The following NIPA2 variants were observed in gnomAD, a reference collection of about 807,000 sequenced individuals.
The protein encoded by NIPA2 is NIPA magnesium transporter 2, also known as magnesium transporter NIPA2.
Under a neutral mutation model 29.7 loss-of-function variants are expected in NIPA2, and 11 were observed. That is an observed-to-expected ratio of 0.37 (90% CI 0.23 to 0.61). NIPA2 has a LOEUF of 0.61. Ranked by LOEUF, NIPA2 falls within the 20% of genes least tolerant of loss-of-function variation. The pLI is 0.66. For missense variants in NIPA2, 426 were observed against 437.9 expected (o/e 0.97, Z 0.24); for synonymous variants, 183 against 161.9 (o/e 1.13, Z -0.99).
intron 5 of NIPA2, among the ~76,000 whole-genome samples, chr15:22,855,442 CTG>C (rs1460482054): frequency 6.6e-6 from 1 of 151,918 alleles, no homozygotes; most frequent in African/African-American, 2.4e-5. Context: ...TCTGAAGACA[CTG>C]AGCCTTGACT....
intron 2 of NIPA2, among the ~76,000 whole-genome samples, chr15:22,843,002 CAAAA>C (rs60054939): frequency 0.011 from 1,223 of 107,350 alleles, 12 homozygotes; most frequent in Non-Finnish European, 0.019. Flanking sequence ...GACTCTGTCT[CAAAA>C]AAAAAAAAAA....
At chr15:22,860,260 C>T (rs1477581363) in intron 6 of NIPA2, among the ~76,000 whole-genome samples, 1 of 151,866 alleles carries the variant, frequency 6.6e-6, no homozygotes, top group Non-Finnish European at 1.5e-5. Flanking sequence ...CCTGAGGTGA[C>T]CCGCGCACCT....
chr15:22,843,746 G>A (rs1465609444), intron 2 of NIPA2, among the ~76,000 whole-genome samples: 1 of 151,818 alleles, frequency 6.6e-6, no homozygotes, highest in Non-Finnish European at 1.5e-5. Context: ...CACCTCCCAG[G>A]TTCAATAGAT....
chr15:22,849,658 C>A (rs1297713935), intron 3 of NIPA2, among the ~76,000 whole-genome samples: 1 of 151,594 alleles, frequency 6.6e-6, no homozygotes, highest in Non-Finnish European at 1.5e-5. Context: ...GTCCCAGGTT[C>A]ATGCCATTCT....
intron 5 of NIPA2, among the ~76,000 whole-genome samples, chr15:22,856,326 T>G (rs1028715298): frequency 6.6e-6 from 1 of 151,842 alleles, no homozygotes; most frequent in Non-Finnish European, 1.5e-5. Flanking sequence ...ATTTCTAGAG[T>G]ATTCAGTTAA....
rs990429264 is a variant in NIPA2 at position 22,838,846 on chromosome 15, C to T, written c.-427C>T. On this transcript the variant is annotated 5_prime_UTR_variant, in exon 1 of 8. Transcript: ENST00000337451. ...CCGTGCGAGCGCAGGACTGGGCGGC[C>T]TGTGTGGGGGTGTGAGCCGCGGTGC... The T allele has an allele frequency of 6.6e-6, 1 of 152,540 alleles. No individual in the cohort carries two copies. The highest frequency in any genetic ancestry group is 6.5e-5 in the Admixed American group (1 of 15,274). The allele number at this position is 152,540 out of a possible 1,614,324, so 9.4% of individuals were successfully genotyped here. A position where few individuals can be genotyped will look rare whatever the true frequency, so the allele number is the denominator to read the frequency against.
intron 6 of NIPA2, 109 bp downstream of exon 6, chr15:22,858,739 G>C (rs905322912): frequency 4.7e-6 from 3 of 634,906 alleles, no homozygotes; most frequent in Non-Finnish European, 7.5e-6. Flanking sequence ...CAACAACCTG[G>C]AGAACTTCGC....
At chr15:22,841,893 C>T (rs1465868533) in intron 2 of NIPA2, among the ~76,000 whole-genome samples, 1 of 152,120 alleles carries the variant, frequency 6.6e-6, no homozygotes, top group Non-Finnish European at 1.5e-5. Flanking sequence ...ACTGCACACC[C>T]GCTCATACCT....
intron 7 of NIPA2, among the ~76,000 whole-genome samples, chr15:22,863,084 TG>T (rs754589376): frequency 7.1e-6 from 1 of 140,958 alleles, no homozygotes; most frequent in African/African-American, 2.6e-5. Context: ...GTATTTTCTT[TG>T]TTTTTTTTTT....
At chr15:22,840,812 T>C (rs1431227062) in intron 2 of NIPA2, among the ~76,000 whole-genome samples, 1 of 152,100 alleles carries the variant, frequency 6.6e-6, no homozygotes, top group Admixed American at 6.5e-5. Context: ...TAGCTATTGT[T>C]AGGGAGAGAT....
rs552062619 is a variant in NIPA2, at chr15:22,864,445, C to T, written c.449-1768C>T. Reference sequence around the variant, plus strand: ...CTGGGATTACAGGCGTGAGCCACCACGCCCGGCCTGCTGTCCTCTGTTATG... The same window carrying T: ...CTGGGATTACAGGCGTGAGCCACCATGCCCGGCCTGCTGTCCTCTGTTATG... On this transcript the variant is annotated intron_variant, in intron 7 of 7. Coordinates refer to ENST00000337451, the MANE Select transcript of NIPA2 (RefSeq NM_030922.7). 1.1e-4 allele frequency among the ~76,000 whole-genome samples: 16 copies of T among 152,288 alleles called. No homozygotes were observed. In the East Asian group the frequency reaches 2.3e-3, roughly 22 times the overall value.
At chr15:22,853,820 A>C (rs2057966013) in intron 5 of NIPA2, among the ~76,000 whole-genome samples, 1 of 152,082 alleles carries the variant, frequency 6.6e-6, no homozygotes, top group African/African-American at 2.4e-5. Flanking sequence ...CAGGACAAAC[A>C]ATCCAGTTAG....
chr15:22,860,875 A>G lies in NIPA2; in HGVS notation c.448+86A>G, dbSNP rs923724578. The stretch of plus-strand genomic sequence containing the variant: ...ATCGAAATTTGATGAGCACATAAGG[A>G]AAGAAATTGTTCCACCTGGTAGAAG... On this transcript the variant is annotated intron_variant, in intron 7 of 7. Coordinates refer to ENST00000337451, the MANE Select transcript of NIPA2 (RefSeq NM_030922.7). The G allele has an allele frequency of 8.2e-6, 8 of 980,616 alleles. No homozygotes were observed. In the African/African-American group the frequency reaches 1.0e-4, roughly 12 times the overall value. 60.7% of individuals were successfully genotyped at this position (980,616 alleles called of 1,614,324 possible).
chr15:22,842,399 T>C (rs1362894697), intron 2 of NIPA2, among the ~76,000 whole-genome samples: 2 of 151,984 alleles, frequency 1.3e-5, no homozygotes, highest in South Asian at 2.1e-4. Context: ...TATGGGGAAA[T>C]AAGATCTAGG....
At position 22,866,319 on chromosome 15, in the gene NIPA2, C is replaced by T. The variant is rs771280025; in HGVS notation, c.555C>T (p.Cys185=). ...ACATTCTTGTGTACATAACAATCTG[C>T]TCTGTAATCGGCGCGTTTTCAGTCT... The part of the protein sequence containing the change: ...QTNILVYITI[C]SVIGAFSVSC... The change falls in exon 8 of 8, where the codon TGC becomes TGT. Residue 185 remains cysteine, a synonymous_variant. Transcript: ENST00000337451. 1 of 1,613,956 alleles carries T rather than the reference C, an allele frequency of 6.2e-7. No individual in the cohort carries two copies. Among genetic ancestry groups the T allele is most frequent in the South Asian group, 1.1e-5 (1 of 91,076 alleles).
intron 5 of NIPA2, among the ~76,000 whole-genome samples, chr15:22,855,988 A>T (rs559506002): frequency 6.6e-6 from 1 of 152,320 alleles, no homozygotes; most frequent in South Asian, 2.1e-4. Context: ...CACAGAAGTG[A>T]TGATGTGTGT....
intron 7 of NIPA2, among the ~76,000 whole-genome samples, chr15:22,864,953 C>T (rs1219082509): frequency 2.0e-5 from 3 of 152,010 alleles, no homozygotes; most frequent in Admixed American, 6.5e-5. Context: ...CCTCCACCTC[C>T]CAGATTCAAG....
intron 2 of NIPA2, among the ~76,000 whole-genome samples, chr15:22,841,134 G>T (rs1345378343): frequency 1.3e-5 from 2 of 152,104 alleles, no homozygotes; most frequent in Non-Finnish European, 2.9e-5. Flanking sequence ...TTCCTTCAAT[G>T]AGTAGATTTT....
chr15:22,866,241 C>T lies in NIPA2; in HGVS notation c.477C>T (p.Val159=), dbSNP rs371377553. Residue 159 remains valine (V), a synonymous_variant, in exon 8 of 8, where the codon GTC becomes GTT. Coordinates refer to ENST00000337451, the MANE Select transcript of NIPA2 (RefSeq NM_030922.7). ...PGFVVFATLV[V]IVALILIFVV... ...TTGTGGTCTTTGCAACCCTTGTGGT[C>T]ATTGTGGCCTTGATATTAATCTTCG... is the stretch of plus-strand genomic sequence containing the variant. The T allele has an allele frequency of 8.4e-5, 136 of 1,613,690 alleles. No homozygotes were observed. The highest frequency in any genetic ancestry group is 1.1e-4 in the Non-Finnish European group (128 of 1,179,756).
Sources: gnomAD v4.1 joint callset for allele counts (sites outside exome capture counted in the v4.1 genomes callset) on GRCh38, gnomAD v4.1.1 for gene constraint, MANE v1.5 for transcripts, NCBI Gene and HGNC (gene_info 2026-07-23, HGNC 2026-07-21) for gene names.